The following MALRD1 variants were observed in gnomAD, a reference collection of about 807,000 sequenced individuals.
The protein encoded by MALRD1 is MAM and LDL receptor class A domain containing 1.
A neutral mutation model predicts 242.1 loss-of-function variants in MALRD1; 247 were observed. The ratio of observed to expected loss-of-function variants is 1.02; its 90% CI spans 0.92 to 1.13. The LOEUF is 1.13. Among genes scored for constraint, MALRD1 ranks in the 50% most tolerant of loss-of-function variants. The probability of loss-of-function intolerance (pLI) is 0.00; values close to 1 mark genes in which losing one functional copy is unlikely to be tolerated. For synonymous variants in MALRD1, 995 were observed against 866.6 expected (o/e 1.15, Z -2.60); for missense variants, 2,989 against 2,533.1 (o/e 1.18, Z -3.86).
intron 6 of MALRD1, 88 bp downstream of exon 6, chr10:19,123,681 C>G: frequency 1.5e-6 from 1 of 684,498 alleles, no homozygotes; most frequent in Non-Finnish European, 2.1e-6. Context: ...ACGCGCCAAC[C>G]TTTGTTGACA....
intron 34 of MALRD1, among the ~76,000 whole-genome samples, chr10:19,607,497 T>G (rs567912305): frequency 2.0e-5 from 3 of 152,228 alleles, no homozygotes; most frequent in East Asian, 3.9e-4. Context: ...TGTTGCGGGT[T>G]AGGGTTTCAA....
At chr10:19,557,794 T>A (rs1193576815) in intron 32 of MALRD1, among the ~76,000 whole-genome samples, 1 of 152,142 alleles carries the variant, frequency 6.6e-6, no homozygotes, top group Non-Finnish European at 1.5e-5. Flanking sequence ...AGTGAGCCTC[T>A]CAGTATCCTC....
intron 5 of MALRD1, among the ~76,000 whole-genome samples, chr10:19,112,395 A>G (rs1318204261): frequency 2.0e-5 from 3 of 152,054 alleles, no homozygotes; most frequent in East Asian, 1.9e-4. Flanking sequence ...TCCTATACCT[A>G]TGGAGGATAG....
intron 33 of MALRD1, among the ~76,000 whole-genome samples, chr10:19,586,132 T>C (rs909541152): frequency 1.3e-5 from 2 of 152,118 alleles, no homozygotes; most frequent in African/African-American, 4.8e-5. Context: ...TTCTTCTAAA[T>C]TTTTTTCAAA....
intron 36 of MALRD1, among the ~76,000 whole-genome samples, chr10:19,675,329 C>A (rs1425810141): frequency 2.0e-5 from 3 of 152,088 alleles, no homozygotes; most frequent in Non-Finnish European, 4.4e-5. Flanking sequence ...TGTACAATGA[C>A]AAGCAGACAA....
chr10:19,619,339 C>T (rs995610080), intron 36 of MALRD1, among the ~76,000 whole-genome samples: 1 of 151,942 alleles, frequency 6.6e-6, no homozygotes, highest in Non-Finnish European at 1.5e-5. Flanking sequence ...CTTTTGCTTC[C>T]CTTTCCACAA....
intron 36 of MALRD1, among the ~76,000 whole-genome samples, chr10:19,624,025 T>C (rs1839528495): frequency 6.6e-6 from 1 of 152,136 alleles, no homozygotes; most frequent in South Asian, 2.1e-4. Context: ...CATATTCTGA[T>C]AGGAAAGATA....
At chr10:19,674,628 T>A (rs1256776858) in intron 36 of MALRD1, among the ~76,000 whole-genome samples, 1 of 152,174 alleles carries the variant, frequency 6.6e-6, no homozygotes, top group African/African-American at 2.4e-5. Flanking sequence ...AATAAGATCT[T>A]ACTGGAAATA....
At chr10:19,102,140 A>G (rs1033827956) in intron 4 of MALRD1, among the ~76,000 whole-genome samples, 1 of 146,602 alleles carries the variant, frequency 6.8e-6, no homozygotes, top group African/African-American at 2.5e-5. Context: ...TATATATTAT[A>G]TAACTATGTA....
At chr10:19,692,661 CT>C in intron 38 of MALRD1, 107 bp downstream of exon 38, 2 of 828,752 alleles carry the variant, frequency 2.4e-6, no homozygotes, top group Non-Finnish European at 3.7e-6. Context: ...ATGCAGGAAA[CT>C]TTAGTGTTTT....
At chr10:19,419,466 A>AT (rs1833637609) in intron 28 of MALRD1, among the ~76,000 whole-genome samples, 1 of 151,648 alleles carries the variant, frequency 6.6e-6, no homozygotes, top group Non-Finnish European at 1.5e-5. Flanking sequence ...AGCAAATTTA[A>AT]TTTTTTTGTT....
intron 10 of MALRD1, among the ~76,000 whole-genome samples, chr10:19,140,739 G>A (rs1183257701): frequency 1.3e-5 from 2 of 152,098 alleles, no homozygotes; most frequent in African/African-American, 4.8e-5. Flanking sequence ...ATCTAAAAAA[G>A]TTGAATTTGT....
chr10:19,665,550 A>C lies in MALRD1; in HGVS notation c.6138-26732A>C, dbSNP rs146382339. Among the ~76,000 whole-genome samples, 205 of 152,142 alleles carry C rather than the reference A, an allele frequency of 1.3e-3. 1 individual carries two copies. The highest frequency in any genetic ancestry group is 4.5e-3 in the African/African-American group (188 of 41,506). ...TGCCTCAAAGTGATCCTTTTTCCAAAGTGGCACATTTTAGGGTGACATAAC... is the reference window on the plus strand; with the variant it reads ...TGCCTCAAAGTGATCCTTTTTCCAACGTGGCACATTTTAGGGTGACATAAC... On this transcript the variant is annotated intron_variant, in intron 36 of 39. Transcript: ENST00000454679.
chr10:19,196,326 T>C (rs1836244900), intron 14 of MALRD1, among the ~76,000 whole-genome samples: 1 of 152,186 alleles, frequency 6.6e-6, no homozygotes, highest in Non-Finnish European at 1.5e-5. Flanking sequence ...TGTATTCACT[T>C]TCTTTAAACT....
At chr10:19,349,783 T>C (rs958017184) in intron 25 of MALRD1, among the ~76,000 whole-genome samples, 2 of 152,124 alleles carry the variant, frequency 1.3e-5, no homozygotes, top group Non-Finnish European at 2.9e-5. Context: ...AAATACAAAA[T>C]ACGAAAATTC....
At chr10:19,073,202 A>G (rs1590390539) in intron 2 of MALRD1, among the ~76,000 whole-genome samples, 1 of 152,298 alleles carries the variant, frequency 6.6e-6, no homozygotes, top group East Asian at 1.9e-4. Context: ...GGCGTGAGCC[A>G]CCACACCAGG....
chr10:19,434,789 G>A (rs1317772264), intron 28 of MALRD1, among the ~76,000 whole-genome samples: 2 of 151,870 alleles, frequency 1.3e-5, no homozygotes, highest in Non-Finnish European at 2.9e-5. Context: ...GGCCACACAT[G>A]TATAAAATGA....
chr10:19,305,941 ATAC>A (rs1263035746), intron 21 of MALRD1, among the ~76,000 whole-genome samples: 2 of 129,072 alleles, frequency 1.5e-5, no homozygotes, highest in African/African-American at 5.9e-5. Flanking sequence ...TATGTAAACT[ATAC>A]TATATATTAT....
At chr10:19,201,675 A>G (rs1330054610) in intron 14 of MALRD1, among the ~76,000 whole-genome samples, 1 of 152,188 alleles carries the variant, frequency 6.6e-6, no homozygotes, top group Admixed American at 6.5e-5. Flanking sequence ...TTTGCATATT[A>G]TGTACTTATG....
Sources: allele counts gnomAD v4.1 joint callset (sites outside exome capture counted in the v4.1 genomes callset), GRCh38; gene constraint gnomAD v4.1.1; transcripts MANE v1.5; gene names NCBI Gene and HGNC (gene_info 2026-07-23, HGNC 2026-07-21).